The following SMOC2 variants were observed in gnomAD, a reference collection of about 807,000 sequenced individuals.
The protein encoded by SMOC2 is SPARC related modular calcium binding 2, also known as SPARC-related modular calcium-binding protein 2.
In SMOC2, 39 loss-of-function variants were observed where a neutral mutation model predicts 61.4. The observed-to-expected ratio is 0.64, with a 90% CI of 0.49 to 0.83. SMOC2 has a LOEUF of 0.83. Among genes scored for constraint, SMOC2 ranks in the 40% least tolerant of loss-of-function variants. The pLI is 0.00. For synonymous variants in SMOC2, 247 were observed against 239.9 expected (o/e 1.03, Z -0.27); for missense variants, 556 against 592.9 (o/e 0.94, Z 0.65).
At chr6:168,595,203 TCTTTCTA>T (rs1269878147) in intron 7 of SMOC2, among the ~76,000 whole-genome samples, 11 of 136,674 alleles carry the variant, frequency 8.0e-5, no homozygotes, top group South Asian at 2.5e-4. Flanking sequence ...ACGAGGGGCA[TCTTTCTA>T]GAGGATCTCC....
chr6:168,494,032 C>T (rs543314547), intron 1 of SMOC2, among the ~76,000 whole-genome samples: 2 of 152,310 alleles, frequency 1.3e-5, no homozygotes, highest in East Asian at 1.9e-4. Flanking sequence ...GCCATTGGAA[C>T]GATCCTGAAG....
At chr6:168,446,750 T>C (rs759225270) in intron 1 of SMOC2, among the ~76,000 whole-genome samples, 16 of 152,202 alleles carry the variant, frequency 1.1e-4, no homozygotes, top group Non-Finnish European at 2.2e-4. Context: ...ATAGCAAAGA[T>C]TGTAATAAAA....
intron 1 of SMOC2, among the ~76,000 whole-genome samples, chr6:168,508,799 G>A (rs1007141281): frequency 6.6e-6 from 1 of 152,202 alleles, no homozygotes; most frequent in African/African-American, 2.4e-5. Flanking sequence ...TGCACACCAC[G>A]TCCAGAGGGC....
intron 2 of SMOC2, among the ~76,000 whole-genome samples, chr6:168,520,785 G>A (rs62424680): frequency 0.1 from 15,474 of 152,256 alleles, 884 homozygotes; most frequent in South Asian, 0.19. Context: ...GCCTAGCTTA[G>A]TGTGTTTATG....
At chr6:168,490,463 C>CT (rs1782449469) in intron 1 of SMOC2, among the ~76,000 whole-genome samples, 2 of 152,156 alleles carry the variant, frequency 1.3e-5, no homozygotes, top group South Asian at 4.1e-4. Flanking sequence ...CACTGGGCAG[C>CT]TGACTCTCAC....
chr6:168,614,815 C>T (rs796195255), intron 9 of SMOC2, among the ~76,000 whole-genome samples: 7 of 35,732 alleles, frequency 2.0e-4, no homozygotes, highest in East Asian at 1.1e-3. Flanking sequence ...CTCTTCATAC[C>T]TACAGCCAGC....
chr6:168,633,898 G>T (rs1786639298), intron 9 of SMOC2, among the ~76,000 whole-genome samples: 1 of 152,196 alleles, frequency 6.6e-6, no homozygotes, highest in Non-Finnish European at 1.5e-5. Flanking sequence ...TAATCATGGG[G>T]GTGGTTACCC....
intron 1 of SMOC2, among the ~76,000 whole-genome samples, chr6:168,445,908 C>T (rs990783246): frequency 3.3e-5 from 5 of 152,184 alleles, no homozygotes; most frequent in Non-Finnish European, 4.4e-5. Flanking sequence ...ATGGATGTAA[C>T]GTCAGTTGCA....
In SMOC2 at chr6:168,453,452, CTCTGTGTG is replaced by C. The variant is rs1781509673; in HGVS notation, c.84+12002_84+12009del. On this transcript the variant is annotated intron_variant, in intron 1 of 12. Coordinates refer to ENST00000356284, the MANE Select transcript of SMOC2 (RefSeq NM_001166412.2). This position sits in a 1 kb window ranked among gnomAD's most constrained non-coding sequence, Gnocchi z 4.4. ...GGCTAGGCTCTCTCTTTCTCTCTGT[CTCTGTGTG>C]TCTCTCAGTTCTGTCTCTCAGTTTC... 1.3e-5 allele frequency among the ~76,000 whole-genome samples: 2 copies of C among 152,184 alleles called. No individual in the cohort carries two copies. The highest frequency in any genetic ancestry group is 6.5e-5 in the Admixed American group (1 of 15,280).
At chr6:168,441,475 C>T in intron 1 of SMOC2, 21 bp downstream of exon 1, 1 of 1,485,178 alleles carries the variant, frequency 6.7e-7, no homozygotes. Context: ...GCCCGCGGGA[C>T]CTGGAGCTCA....
intron 8 of SMOC2, among the ~76,000 whole-genome samples, chr6:168,599,334 C>T (rs1363082352): frequency 6.9e-6 from 1 of 145,570 alleles, no homozygotes; most frequent in East Asian, 2.2e-4. Context: ...CACACACACT[C>T]ATACCCACAC....
chr6:168,646,137 G>A (rs1021838875), intron 9 of SMOC2, among the ~76,000 whole-genome samples: 1 of 152,190 alleles, frequency 6.6e-6, no homozygotes, highest in Non-Finnish European at 1.5e-5. Flanking sequence ...AGAGGAATGC[G>A]TCTCATTATC....
intron 2 of SMOC2, among the ~76,000 whole-genome samples, chr6:168,520,445 C>T (rs1380949732): frequency 6.6e-6 from 1 of 152,232 alleles, no homozygotes; most frequent in African/African-American, 2.4e-5. Flanking sequence ...CCACACCAGC[C>T]CCGTCCCGGC....
At chr6:168,558,814 T>C (rs960066607) in intron 7 of SMOC2, among the ~76,000 whole-genome samples, 20 of 151,738 alleles carry the variant, frequency 1.3e-4, no homozygotes, top group African/African-American at 2.4e-4. Context: ...CATGTGTGTG[T>C]GTGCGTATGT....
intron 7 of SMOC2, among the ~76,000 whole-genome samples, chr6:168,577,710 C>T (rs796154562): frequency 1.4e-4 from 22 of 152,260 alleles, no homozygotes; most frequent in African/African-American, 4.6e-4. Flanking sequence ...CACGCACTTT[C>T]GAATCTGGTT....
chr6:168,625,634 C>A (rs1423166870), intron 9 of SMOC2, among the ~76,000 whole-genome samples: 1 of 152,244 alleles, frequency 6.6e-6, no homozygotes, highest in Non-Finnish European at 1.5e-5. Flanking sequence ...TGCACTCGCT[C>A]TCAGAAAGCC....
intron 8 of SMOC2, among the ~76,000 whole-genome samples, chr6:168,600,419 AAAC>A (rs1220274737): frequency 3.6e-4 from 10 of 27,778 alleles, no homozygotes; most frequent in East Asian, 3.4e-3. Context: ...AAAAAAAAAA[AAAC>A]AAAAAAAAAA....
chr6:168,545,398 C>T (rs1783970160), intron 5 of SMOC2, among the ~76,000 whole-genome samples: 1 of 152,192 alleles, frequency 6.6e-6, no homozygotes, highest in African/African-American at 2.4e-5. Context: ...ACAAATAAGA[C>T]ACTTCACACA....
chr6:168,463,008 C>T (rs1218455878), intron 1 of SMOC2, among the ~76,000 whole-genome samples: 2 of 152,310 alleles, frequency 1.3e-5, no homozygotes, highest in African/African-American at 2.4e-5. Flanking sequence ...TAGGAAGGCT[C>T]CCACATTTGT....
Sources: allele counts gnomAD v4.1 joint callset (sites outside exome capture counted in the v4.1 genomes callset), GRCh38; gene constraint gnomAD v4.1.1; non-coding constraint Gnocchi (gnomAD v3.1); transcripts MANE v1.5; gene names NCBI Gene and HGNC (gene_info 2026-07-23, HGNC 2026-07-21).